The following SYNRG variants were observed in gnomAD, a reference collection of about 807,000 sequenced individuals.
The protein encoded by SYNRG is synergin gamma, also known as AP1 gamma subunit binding protein 1.
A neutral mutation model predicts 130.9 loss-of-function variants in SYNRG; 37 were observed. The ratio of observed to expected loss-of-function variants is 0.28; its 90% CI spans 0.22 to 0.37. The LOEUF (loss-of-function observed/expected upper bound fraction) is 0.37. SYNRG is among the 10% of genes least tolerant of loss of function. The probability of loss-of-function intolerance (pLI) is 1.00; values close to 1 mark genes in which losing one functional copy is unlikely to be tolerated. For missense variants in SYNRG, 1,338 were observed against 1,588.9 expected, an observed-to-expected ratio of 0.84 and a Z score of 2.68; for synonymous variants, 539 against 568.1, an observed-to-expected ratio of 0.95 and a Z score of 0.73.
chr17:37,581,955 G>C (rs1401854720), intron 6 of SYNRG, among the ~76,000 whole-genome samples: 3 of 151,940 alleles, frequency 2.0e-5, no homozygotes, highest in African/African-American at 7.3e-5. Context: ...TAGAGACAGG[G>C]TTTTGCCATG....
chr17:37,604,607 T>C (rs2063582856), intron 1 of SYNRG, among the ~76,000 whole-genome samples: 1 of 152,260 alleles, frequency 6.6e-6, no homozygotes, highest in Admixed American at 6.5e-5. Flanking sequence ...AACATTTGTG[T>C]TTCCTGGAAT....
At chr17:37,573,452 T>C (rs1451100441) in intron 8 of SYNRG, among the ~76,000 whole-genome samples, 2 of 152,122 alleles carry the variant, frequency 1.3e-5, no homozygotes, top group South Asian at 2.1e-4. Context: ...AAAGTATACA[T>C]GCATGTATGT....
intron 1 of SYNRG, among the ~76,000 whole-genome samples, chr17:37,602,696 T>A (rs2063395660): frequency 6.6e-6 from 1 of 152,144 alleles, no homozygotes; most frequent in East Asian, 1.9e-4. Flanking sequence ...TAGTGATTTA[T>A]AAGGTTTTTA....
At chr17:37,588,258 C>CT (rs35767898) in intron 3 of SYNRG, among the ~76,000 whole-genome samples, 3,332 of 103,174 alleles carry the variant, frequency 0.032, 129 homozygotes, top group African/African-American at 0.075. Flanking sequence ...ACTTTAAATT[C>CT]TTTTTTTTTT....
intron 5 of SYNRG, among the ~76,000 whole-genome samples, chr17:37,585,112 A>G (rs1377632484): frequency 1.3e-5 from 2 of 152,274 alleles, no homozygotes; most frequent in Non-Finnish European, 2.9e-5. Flanking sequence ...AGCTGAAAAG[A>G]TAATGGCTGA....
chr17:37,522,134 T>TACACACACACACACACACACAC (rs60928738), intron 19 of SYNRG, among the ~76,000 whole-genome samples: 19,912 of 144,736 alleles, frequency 0.14, 1,626 homozygotes, highest in African/African-American at 0.21. Context: ...TCTAATTCAC[T>TACACACACACACACACACACAC]ACACACACAC....
At chr17:37,525,763 G>T (rs557480941) in intron 19 of SYNRG, among the ~76,000 whole-genome samples, 8 of 152,192 alleles carry the variant, frequency 5.3e-5, no homozygotes, top group South Asian at 4.2e-4. Flanking sequence ...GTCAGGCTTT[G>T]GAGACCAGCC....
chr17:37,580,492 T>C (rs984956072), intron 6 of SYNRG, among the ~76,000 whole-genome samples: 1 of 130,364 alleles, frequency 7.7e-6, no homozygotes, highest in Non-Finnish European at 1.5e-5. Context: ...TGTGTGTGTG[T>C]GTGTGTGTGT....
rs1365047959 is a variant in SYNRG, at chr17:37,542,049, G to A, written c.3125C>T (p.Ala1042Val). ...PKISKFDFLV[A>V]TSQSKMKSSE... ...GGATTTCATTTTGCTTTGTGAAGTG[G>A]CTACTAAGAAGTCAAATTTGCTGAT... Residue 1042 changes from alanine (A) to valine (V), a missense_variant, in exon 15 of 22, where the codon GCC becomes GTC. Transcript: ENST00000612223. 8.7e-6 allele frequency: 14 copies of A among 1,614,030 alleles called. No individual in the cohort carries two copies. The East Asian group carries it at 2.4e-4, about 28-fold the overall frequency.
In SYNRG at chr17:37,520,031, T is replaced by C; in HGVS notation, c.3813+148A>G. On this transcript the variant is annotated intron_variant, in intron 21 of 21. Coordinates refer to ENST00000612223, the MANE Select transcript of SYNRG (RefSeq NM_007247.6). ...GACCCACACAGACACATTAGGAGAC[T>C]CCATCAAACATTATGGGAACAAAAC... The C allele has an allele frequency of 3.7e-6, 3 of 816,806 alleles. No homozygotes were observed. The South Asian group carries it at 4.7e-5, about 13-fold the overall frequency. 50.6% of individuals were successfully genotyped at this position (816,806 alleles called of 1,614,324 possible).
chr17:37,520,026 G>A (rs2054794807), intron 21 of SYNRG, among the ~76,000 whole-genome samples, 153 bp downstream of exon 21: 1 of 152,150 alleles, frequency 6.6e-6, no homozygotes. Flanking sequence ...GACACATTAG[G>A]AGACTCCATC....
intron 13 of SYNRG, chr17:37,557,035 A>G (rs2059171041): frequency 6.6e-6 from 1 of 152,216 alleles, no homozygotes; most frequent in Admixed American, 6.5e-5. Context: ...TTACAAAGGG[A>G]ATTTGTTGGC....
At chr17:37,569,181 A>G (rs56253237) in intron 10 of SYNRG, among the ~76,000 whole-genome samples, 104,533 of 152,184 alleles carry the variant, frequency 0.69, 37,773 homozygotes, top group African/African-American at 0.91. Context: ...AGATCGAGGC[A>G]GACAGATCTC....
chr17:37,554,754 G>C (rs2058977703), intron 13 of SYNRG, among the ~76,000 whole-genome samples: 1 of 152,138 alleles, frequency 6.6e-6, no homozygotes, highest in Non-Finnish European at 1.5e-5. Flanking sequence ...CAGAAAAAAA[G>C]TCCTTGAGCA....
chr17:37,543,489 T>G (rs750776221), intron 14 of SYNRG, among the ~76,000 whole-genome samples: 1 of 152,234 alleles, frequency 6.6e-6, no homozygotes, highest in Non-Finnish European at 1.5e-5. Flanking sequence ...ACCTACTATT[T>G]GTATGACACT....
intron 15 of SYNRG, 45 bp downstream of exon 15, chr17:37,541,927 T>C: frequency 6.5e-7 from 1 of 1,540,416 alleles, no homozygotes. Flanking sequence ...AACATCTCAG[T>C]GGAAAAAAAC....
chr17:37,516,181 A>AT lies in SYNRG; in HGVS notation c.*2758_*2759insA, dbSNP rs2054411694. On this transcript the variant is annotated 3_prime_UTR_variant, in exon 22 of 22. Coordinates refer to ENST00000612223, the MANE Select transcript of SYNRG (RefSeq NM_007247.6). ...GGGCTGACACAATGCACAGTATGGA[A>AT]ATAAGTAACCTTGGCTACAGTTTCC... 1 of 152,218 alleles carries AT rather than the reference A, an allele frequency of 6.6e-6. No individual in the cohort carries two copies. The highest frequency in any genetic ancestry group is 1.5e-5 in the Non-Finnish European group (1 of 68,048). 9.4% of individuals were successfully genotyped at this position (152,218 alleles called of 1,614,324 possible). A position where few individuals can be genotyped will look rare whatever the true frequency, so the allele number is the denominator to read the frequency against.
Position 37,525,760 on chromosome 17 carries a change from T to G in SYNRG, c.3667-5112A>C, listed in dbSNP as rs537267812. Among the ~76,000 whole-genome samples, 14 of 149,938 alleles carry G rather than the reference T, an allele frequency of 9.3e-5. No homozygotes were observed. The South Asian group carries it at 1.0e-3, about 11-fold the overall frequency. ...AGGCGGGCGGATCACGAGGTCAGGCTTTGGAGACCAGCCTGGCCAACATGG... is the reference window on the plus strand; with the variant it reads ...AGGCGGGCGGATCACGAGGTCAGGCGTTGGAGACCAGCCTGGCCAACATGG... On this transcript the variant is annotated intron_variant, in intron 19 of 21. Transcript: ENST00000612223.
intron 3 of SYNRG, among the ~76,000 whole-genome samples, chr17:37,587,864 C>G (rs1183581050): frequency 6.6e-6 from 1 of 152,236 alleles, no homozygotes; most frequent in Non-Finnish European, 1.5e-5. Flanking sequence ...TGTCCAAAAT[C>G]TGGATGTTAG....
Sources: allele counts gnomAD v4.1 joint callset (sites outside exome capture counted in the v4.1 genomes callset), GRCh38; gene constraint gnomAD v4.1.1; transcripts MANE v1.5; gene names NCBI Gene and HGNC (gene_info 2026-07-23, HGNC 2026-07-21).